Variants in GPM6A observed in about 807,000 individuals in gnomAD.
GPM6A encodes the protein neuronal membrane glycoprotein M6-a.
GPM6A carries 7 observed loss-of-function variants against 32.1 expected under a neutral mutation model. The ratio of observed to expected loss-of-function variants is 0.22; its 90% confidence interval spans 0.12 to 0.41. GPM6A has a LOEUF of 0.41. Among genes scored for constraint, GPM6A ranks in the 10% least tolerant of loss-of-function variants. The pLI is 1.00. For synonymous variants in GPM6A, 130 were observed against 123.4 expected, an observed-to-expected ratio of 1.05 and a Z score of -0.35; for missense variants, 235 against 347.2, an observed-to-expected ratio of 0.68 and a Z score of 2.57.
intron 1 of GPM6A, among the ~76,000 whole-genome samples, chr4:175,719,610 C>T (rs1394722952): frequency 6.6e-6 from 1 of 151,894 alleles, no homozygotes; most frequent in African/African-American, 2.4e-5. Context: ...TAATTTGTTA[C>T]AATGTCAGAA....
chr4:175,950,000 C>T (rs1052894684), intron 1 of GPM6A, among the ~76,000 whole-genome samples: 1 of 152,014 alleles, frequency 6.6e-6, no homozygotes, highest in African/African-American at 2.4e-5. Flanking sequence ...TGTATAAACA[C>T]CAATGGATCA....
intron 1 of GPM6A, among the ~76,000 whole-genome samples, chr4:175,754,863 A>G (rs1382041693): frequency 6.6e-6 from 1 of 152,230 alleles, no homozygotes; most frequent in East Asian, 1.9e-4. Flanking sequence ...TTCCAACAAC[A>G]AAGTGAAATA....
At chr4:175,684,195 C>T (rs1312924540) in intron 2 of GPM6A, among the ~76,000 whole-genome samples, 3 of 152,128 alleles carry the variant, frequency 2.0e-5, no homozygotes, top group Non-Finnish European at 4.4e-5. Context: ...TAAGAGAGGG[C>T]TAAGACACAA....
chr4:175,834,986 T>A (rs996944390), intron 1 of GPM6A, among the ~76,000 whole-genome samples: 2 of 152,218 alleles, frequency 1.3e-5, no homozygotes, highest in African/African-American at 4.8e-5. Flanking sequence ...TTCTTCCCTT[T>A]CTTTATCTTT....
At chr4:175,785,101 TC>T (rs1733747155) in intron 1 of GPM6A, among the ~76,000 whole-genome samples, 1 of 152,178 alleles carries the variant, frequency 6.6e-6, no homozygotes, top group African/African-American at 2.4e-5. Context: ...TTCTCCCATT[TC>T]CGAAGCTAGA....
At chr4:175,930,172 G>T (rs188898645) in intron 1 of GPM6A, among the ~76,000 whole-genome samples, 2 of 151,912 alleles carry the variant, frequency 1.3e-5, no homozygotes, top group African/African-American at 4.8e-5. Flanking sequence ...ACATTAAGTC[G>T]CTCTCAAACA....
chr4:175,715,068 A>C (rs1745769039), intron 1 of GPM6A, among the ~76,000 whole-genome samples: 2 of 151,960 alleles, frequency 1.3e-5, no homozygotes, highest in African/African-American at 2.4e-5. Flanking sequence ...CTGCTTGTTC[A>C]GATAATGTCT....
At chr4:175,838,466 A>G (rs567154971) in intron 1 of GPM6A, among the ~76,000 whole-genome samples, 1 of 151,242 alleles carries the variant, frequency 6.6e-6, no homozygotes, top group East Asian at 2.0e-4. Context: ...TGTCTACTGC[A>G]CTAAATGCTA....
At chr4:175,762,088 T>TG (rs1419265746) in intron 1 of GPM6A, among the ~76,000 whole-genome samples, 1 of 152,160 alleles carries the variant, frequency 6.6e-6, no homozygotes, top group Admixed American at 6.5e-5. Context: ...GCCACTGCAC[T>TG]GGGCCATAAT....
intron 1 of GPM6A, among the ~76,000 whole-genome samples, chr4:175,950,356 G>T (rs1387979955): frequency 6.6e-6 from 1 of 151,954 alleles, no homozygotes; most frequent in African/African-American, 2.4e-5. Context: ...AATTACAAAA[G>T]TGCCATTGAT....
intron 1 of GPM6A, among the ~76,000 whole-genome samples, chr4:175,751,777 GGTTT>G (rs988145278): frequency 1.4e-4 from 21 of 149,836 alleles, no homozygotes; most frequent in Non-Finnish European, 2.4e-4. Context: ...TTTGTTTTTT[GGTTT>G]GTTTGTTTGT....
intron 1 of GPM6A, among the ~76,000 whole-genome samples, chr4:175,946,857 G>A (rs1186157683): frequency 1.3e-5 from 2 of 152,106 alleles, no homozygotes; most frequent in East Asian, 1.9e-4. Context: ...TATAAGAAAG[G>A]TGCCTTTAAG....
chr4:175,749,946 C>T (rs778676877), intron 1 of GPM6A, among the ~76,000 whole-genome samples: 1 of 152,188 alleles, frequency 6.6e-6, no homozygotes, highest in Non-Finnish European at 1.5e-5. Flanking sequence ...CCATTTCACA[C>T]TTGGCCTATG....
At chr4:175,975,786 T>C (rs981386895) in intron 1 of GPM6A, among the ~76,000 whole-genome samples, 2 of 152,244 alleles carry the variant, frequency 1.3e-5, no homozygotes, top group Non-Finnish European at 2.9e-5. Flanking sequence ...AATGTAATCA[T>C]AGAATCTTCA....
chr4:175,924,804 C>A (rs1216237299), intron 1 of GPM6A, among the ~76,000 whole-genome samples: 1 of 146,372 alleles, frequency 6.8e-6, no homozygotes, highest in Non-Finnish European at 1.5e-5. Flanking sequence ...AACACTACTG[C>A]ACTCCAGCCT....
chr4:175,861,197 A>C (rs1367963402), intron 1 of GPM6A, among the ~76,000 whole-genome samples: 1 of 152,060 alleles, frequency 6.6e-6, no homozygotes, highest in Non-Finnish European at 1.5e-5. Context: ...ACAATATTGG[A>C]GCTTGTATAA....
intron 1 of GPM6A, among the ~76,000 whole-genome samples, chr4:175,889,521 A>G (rs1291784403): frequency 4.8e-5 from 7 of 144,662 alleles, no homozygotes; most frequent in Non-Finnish European, 9.1e-5. Context: ...CTGTCTCCAA[A>G]AAAAAAAAAA....
intron 1 of GPM6A, among the ~76,000 whole-genome samples, chr4:175,712,422 T>C (rs1317406416): frequency 6.6e-6 from 1 of 152,208 alleles, no homozygotes. Flanking sequence ...ATTGGGGTCA[T>C]GGACAATAAG....
chr4:175,675,194 T>C (rs1743297168), intron 2 of GPM6A, among the ~76,000 whole-genome samples: 2 of 151,296 alleles, frequency 1.3e-5, no homozygotes, highest in African/African-American at 2.4e-5. Context: ...TAGTCCTAGG[T>C]GTAGCTAGAG....
Sources: allele counts gnomAD v4.1 joint callset (sites outside exome capture counted in the v4.1 genomes callset), GRCh38; gene constraint gnomAD v4.1.1; transcripts MANE v1.5; gene names NCBI Gene and HGNC (gene_info 2026-07-23, HGNC 2026-07-21).